Variants in AFF1 observed in about 807,000 individuals in gnomAD.
AFF1 encodes ALF transcription elongation factor 1.
AFF1 carries 48 observed loss-of-function variants against 121.7 expected under a neutral mutation model. That is an observed-to-expected ratio of 0.39 (90% CI 0.31 to 0.50). The LOEUF is 0.50. AFF1 is among the 20% of genes least tolerant of loss of function. The pLI, the probability that AFF1 is intolerant of heterozygous loss-of-function variation, is 0.76. For synonymous variants in AFF1, 613 were observed against 563.0 expected, an observed-to-expected ratio of 1.09 and a Z score of -1.26; for missense variants, 1,523 against 1,511.7, an observed-to-expected ratio of 1.01 and a Z score of -0.12.
chr4:86,953,624 C>A (rs1025725573), intron 2 of AFF1, among the ~76,000 whole-genome samples: 1 of 152,202 alleles, frequency 6.6e-6, no homozygotes, highest in Non-Finnish European at 1.5e-5. Context: ...TTCCTTCCGT[C>A]CCCCTTTTTA....
chr4:87,096,656 C>G (rs1724899960), intron 8 of AFF1, among the ~76,000 whole-genome samples: 1 of 152,100 alleles, frequency 6.6e-6, no homozygotes, highest in Non-Finnish European at 1.5e-5. Flanking sequence ...TCAAATAATT[C>G]TTTACCTCAG....
intron 4 of AFF1, among the ~76,000 whole-genome samples, chr4:87,050,729 G>A (rs1448645114): frequency 6.6e-6 from 1 of 152,230 alleles, no homozygotes; most frequent in Non-Finnish European, 1.5e-5. Flanking sequence ...TACGTCAACT[G>A]GAAGATGTCT....
chr4:87,003,824 A>G (rs1350931547), intron 2 of AFF1, among the ~76,000 whole-genome samples: 1 of 152,216 alleles, frequency 6.6e-6, no homozygotes, highest in Non-Finnish European at 1.5e-5. Flanking sequence ...GTTTCCTTGA[A>G]TATTTACTAT....
At chr4:86,950,149 A>G in intron 2 of AFF1, 1 of 1,489,504 alleles carries the variant, frequency 6.7e-7, no homozygotes, top group Non-Finnish European at 9.4e-7. Flanking sequence ...AGCACCGGAC[A>G]AGGCAGATGC....
chr4:87,057,180 A>G (rs1183684986), intron 4 of AFF1, among the ~76,000 whole-genome samples: 1 of 152,212 alleles, frequency 6.6e-6, no homozygotes, highest in Non-Finnish European at 1.5e-5. Flanking sequence ...CATAGAAGCA[A>G]GACACGGAGG....
chr4:87,065,749 C>T (rs1721287177), intron 4 of AFF1, among the ~76,000 whole-genome samples: 1 of 152,014 alleles, frequency 6.6e-6, no homozygotes, highest in African/African-American at 2.4e-5. Context: ...CGGATGGCTT[C>T]CTTGTGCTTA....
At chr4:87,023,115 T>G (rs1166591590) in intron 2 of AFF1, among the ~76,000 whole-genome samples, 1 of 152,048 alleles carries the variant, frequency 6.6e-6, no homozygotes, top group Non-Finnish European at 1.5e-5. Context: ...TTCTTTGTTG[T>G]TCAGGCTGGT....
intron 11 of AFF1, among the ~76,000 whole-genome samples, chr4:87,111,183 ATT>A (rs1383692920): frequency 5.1e-5 from 3 of 58,638 alleles, no homozygotes; most frequent in African/African-American, 1.2e-4. Context: ...AATTTTTTGT[ATT>A]TTTTTTTTTT....
intron 2 of AFF1, among the ~76,000 whole-genome samples, chr4:86,952,525 G>A (rs1721423469): frequency 1.3e-5 from 2 of 152,086 alleles, no homozygotes; most frequent in South Asian, 4.1e-4. Flanking sequence ...ATGATGGGTT[G>A]ATAGGTACAG....
At chr4:87,116,424 C>G (rs1727128816) in intron 12 of AFF1, among the ~76,000 whole-genome samples, 1 of 152,112 alleles carries the variant, frequency 6.6e-6, no homozygotes, top group Non-Finnish European at 1.5e-5. Flanking sequence ...AGCCAACTTG[C>G]CCAAGAATCA....
Position 87,086,603 on chromosome 4 carries a change from C to A in AFF1, c.1104+2439C>A, listed in dbSNP as rs943103860. 2.6e-5 allele frequency among the ~76,000 whole-genome samples: 4 copies of A among 152,342 alleles called. No individual in the cohort carries two copies. The South Asian group carries it at 8.3e-4, about 32-fold the overall frequency. Reference sequence around the variant, plus strand: ...CTTTTCATATTGGAGTCTGCCCCTTCTCTTCTGTCTGTGACCTCAGTTAAG... The same window carrying A: ...CTTTTCATATTGGAGTCTGCCCCTTATCTTCTGTCTGTGACCTCAGTTAAG... On this transcript the variant is annotated intron_variant, in intron 5 of 20. Coordinates refer to ENST00000395146, the MANE Select transcript of AFF1 (RefSeq NM_001166693.3).
chr4:86,981,068 A>G lies in AFF1; in HGVS notation c.38+32497A>G, dbSNP rs570996133. ...CGCTCTGTCGCCCAGGCTGGAGTGC[A>G]GTGGCACAATCTCGGCTCACTGCAA... On this transcript the variant is annotated intron_variant, in intron 2 of 20. Transcript: ENST00000395146. 1.2e-3 allele frequency among the ~76,000 whole-genome samples: 187 copies of G among 151,936 alleles called. 1 individual carries two copies. Among genetic ancestry groups the G allele is most frequent in the Non-Finnish European group, 2.1e-3 (140 of 67,972 alleles).
In AFF1 at chr4:87,114,501, C is replaced by G; in HGVS notation, c.1668C>G (p.Asp556Glu). The G allele has an allele frequency of 6.2e-7, 1 of 1,613,696 alleles. No individual in the cohort carries two copies. The highest frequency in any genetic ancestry group is 8.5e-7 in the Non-Finnish European group (1 of 1,179,972). The part of the protein sequence containing the change: ...RRHPESKGSS[D>E]SATSQEHSES... ...ACCCAGAGAGTAAGGGCAGCAGCGA[C>G]AGTGCCACGAGTCAGGAGCATTCTG... Residue 556 changes from aspartate (D) to glutamate (E), a missense_variant, in exon 12 of 21, where the codon GAC (aspartate) becomes GAG (glutamate). By Grantham distance (45) the Asp-to-Glu change is conservative (BLOSUM62 2). This residue lies in a region of AFF1 where 905 missense variants were observed against 842.5 expected (regional missense o/e 1.07). Transcript: ENST00000395146.
At position 87,131,988 on chromosome 4, in the gene AFF1, A is replaced by G. The variant is rs1728873281; in HGVS notation, c.3173+124A>G. ...TGAAAAGCAAGTCAGTACTTTGGTC[A>G]AAAGGTTAATCCCTCACTGATAGTA... On this transcript the variant is annotated intron_variant, in intron 18 of 20. Coordinates refer to ENST00000395146, the MANE Select transcript of AFF1 (RefSeq NM_001166693.3). The G allele has an allele frequency of 3.2e-6, 3 of 927,742 alleles. No homozygotes were observed. The East Asian group carries it at 8.6e-5, about 27-fold the overall frequency. 57.5% of individuals were successfully genotyped at this position (927,742 alleles called of 1,614,324 possible). A position where few individuals can be genotyped will look rare whatever the true frequency, so the allele number is the denominator to read the frequency against.
At chr4:86,968,386 A>G (rs1722681600) in intron 2 of AFF1, among the ~76,000 whole-genome samples, 1 of 152,158 alleles carries the variant, frequency 6.6e-6, no homozygotes, top group South Asian at 2.1e-4. Flanking sequence ...ATGTCTTCTT[A>G]GTGATTTGCC....
At chr4:86,970,813 G>A (rs930399452) in intron 2 of AFF1, among the ~76,000 whole-genome samples, 12 of 152,300 alleles carry the variant, frequency 7.9e-5, no homozygotes, top group African/African-American at 2.9e-4. Context: ...TGCAGGCGAG[G>A]GGGAGCTTGT....
At chr4:87,020,739 C>A in intron 2 of AFF1, 1 of 941,212 alleles carries the variant, frequency 1.1e-6, no homozygotes, top group Non-Finnish European at 1.3e-6. Flanking sequence ...CTGCCTCAGC[C>A]TCTCAAAATG....
chr4:87,079,753 G>A (rs549623762), intron 4 of AFF1, among the ~76,000 whole-genome samples: 2 of 152,098 alleles, frequency 1.3e-5, no homozygotes, highest in South Asian at 4.2e-4. Flanking sequence ...ATACCTCATC[G>A]TGGACTCCAA....
At chr4:87,134,391 A>C (rs1476695863) in intron 19 of AFF1, 80 bp from the exon 20 acceptor site, 22 of 1,299,150 alleles carry the variant, frequency 1.7e-5, no homozygotes, top group Non-Finnish European at 2.1e-5. Flanking sequence ...CTTGGACTGT[A>C]GTTCCAGACA....
Sources: gnomAD v4.1 joint callset for allele counts (sites outside exome capture counted in the v4.1 genomes callset) on GRCh38, gnomAD v4.1.1 for gene constraint, gnomAD v4.1.1 regional missense constraint, MANE v1.5 for transcripts, NCBI Gene and HGNC (gene_info 2026-07-23, HGNC 2026-07-21) for gene names.